Variants in MYLK observed in about 807,000 individuals in gnomAD.
MYLK encodes myosin light chain kinase, smooth muscle.
Under a neutral mutation model 203.4 loss-of-function variants are expected in MYLK, and 106 were observed. That is an observed-to-expected ratio of 0.52 (90% CI 0.45 to 0.61). The LOEUF is 0.61. MYLK is among the 20% of genes least tolerant of loss of function. MYLK has a pLI of 0.00. For missense variants in MYLK, 2,072 were observed against 2,442.3 expected (o/e 0.85, Z 3.20); for synonymous variants, 867 against 959.5 (o/e 0.90, Z 1.78).
At chr3:123,618,569 G>T (rs970516009) in intron 33 of MYLK, 70 bp downstream of exon 33, 5 of 1,592,998 alleles carry the variant, frequency 3.1e-6, no homozygotes, top group Non-Finnish European at 4.3e-6. Context: ...CTTGCCCACG[G>T]TGCATGGTAG....
At chr3:123,695,261 G>A (rs1178719357) in intron 18 of MYLK, among the ~76,000 whole-genome samples, 1 of 152,224 alleles carries the variant, frequency 6.6e-6, no homozygotes, top group East Asian at 1.9e-4. Flanking sequence ...AATCCCCCAG[G>A]CCTAGGCGGA....
chr3:123,813,934 T>C (rs1289027970), intron 3 of MYLK: 1 of 153,754 alleles, frequency 6.5e-6, no homozygotes, highest in African/African-American at 2.4e-5. Flanking sequence ...ATGAGAGCTC[T>C]TGAGAATGGA....
At chr3:123,619,761 A>G (rs1258608752) in intron 32 of MYLK, among the ~76,000 whole-genome samples, 2 of 152,228 alleles carry the variant, frequency 1.3e-5, no homozygotes, top group Non-Finnish European at 2.9e-5. Flanking sequence ...TGTGGACCAT[A>G]TGAGTTAATT....
intron 3 of MYLK, among the ~76,000 whole-genome samples, chr3:123,796,243 A>G (rs2064981907): frequency 6.6e-6 from 1 of 152,232 alleles, no homozygotes; most frequent in Non-Finnish European, 1.5e-5. Flanking sequence ...GAGACAGATA[A>G]TCTTGGTATC....
chr3:123,774,074 G>A (rs2063976388), intron 4 of MYLK, among the ~76,000 whole-genome samples: 1 of 152,200 alleles, frequency 6.6e-6, no homozygotes, highest in African/African-American at 2.4e-5. Context: ...GGAAAAGCAA[G>A]GAGAGGCTGG....
At chr3:123,789,056 C>T (rs2064663121) in intron 4 of MYLK, among the ~76,000 whole-genome samples, 2 of 152,212 alleles carry the variant, frequency 1.3e-5, no homozygotes, top group Admixed American at 6.5e-5. Context: ...GGGAAAACAG[C>T]CCATCAACAC....
chr3:123,728,425 T>C (rs952148350), intron 11 of MYLK, among the ~76,000 whole-genome samples: 3 of 152,134 alleles, frequency 2.0e-5, no homozygotes, highest in African/African-American at 4.8e-5. Flanking sequence ...GAGGATTGCT[T>C]GAGCCCAAGA....
In MYLK at chr3:123,824,128, C is replaced by T. The variant is rs1577072197; in HGVS notation, c.-4+7420G>A. Among the ~76,000 whole-genome samples, 4 of 149,392 alleles carry T rather than the reference C, an allele frequency of 2.7e-5. No individual in the cohort carries two copies. The South Asian group carries it at 8.5e-4, about 32-fold the overall frequency. ...TTTTGAGACGGAGTTTCACTCTTGT[C>T]CCCCAGGCTGGAGTGCAATGGCGCG... On this transcript the variant is annotated intron_variant, in intron 3 of 33. Coordinates refer to ENST00000360304, the MANE Select transcript of MYLK (RefSeq NM_053025.4).
At position 123,768,886 on chromosome 3, in the gene MYLK, G is replaced by A. The variant is rs113831508; in HGVS notation, c.166-16348C>T. 7.3e-3 allele frequency among the ~76,000 whole-genome samples: 1,108 copies of A among 152,248 alleles called. 15 individuals carry two copies. Among genetic ancestry groups the A allele is most frequent in the African/African-American group, 0.024 (1,012 of 41,542 alleles). On this transcript the variant is annotated intron_variant, in intron 4 of 33. Transcript: ENST00000360304. ...GCGAGGAGCAATTCCAAAAGGCCAC[G>A]CAAGTGCACTCTCCCCCTCTCTGCC...
intron 3 of MYLK, among the ~76,000 whole-genome samples, chr3:123,810,163 G>A (rs959250932): frequency 7.2e-5 from 11 of 152,112 alleles, no homozygotes; most frequent in African/African-American, 2.7e-4. Context: ...CTATAAATAA[G>A]GTGAGAGGTT....
Position 123,638,695 on chromosome 3 carries a change from A to C in MYLK, c.4838-501T>G, listed in dbSNP as rs2058731739. 5.3e-6 allele frequency: 5 copies of C among 949,466 alleles called. No homozygotes were observed. In the South Asian group the frequency reaches 1.5e-4, roughly 28 times the overall value. The allele number at this position is 949,466 out of a possible 1,614,324, so 58.8% of individuals were successfully genotyped here. ...GTTAACAAGTGGTGGTCGGGACTCA[A>C]GCCCAGGTAGTCCAACTCCTGAGCC... On this transcript the variant is annotated intron_variant, in intron 28 of 33. Transcript: ENST00000360304.
intron 3 of MYLK, among the ~76,000 whole-genome samples, chr3:123,821,666 A>C (rs2109301698): frequency 6.6e-6 from 1 of 152,246 alleles, no homozygotes; most frequent in Non-Finnish European, 1.5e-5. Flanking sequence ...ATTTTGTCAA[A>C]GTGTTCACAA....
intron 28 of MYLK, among the ~76,000 whole-genome samples, chr3:123,638,439 C>T (rs967361090): frequency 2.0e-5 from 3 of 152,154 alleles, no homozygotes; most frequent in African/African-American, 7.2e-5. Context: ...GAGAAGAGGC[C>T]GCTAAATCAC....
intron 16 of MYLK, among the ~76,000 whole-genome samples, chr3:123,704,212 G>C (rs2061361901): frequency 6.6e-6 from 1 of 152,240 alleles, no homozygotes; most frequent in Non-Finnish European, 1.5e-5. Flanking sequence ...GGCAATAGCA[G>C]TAACTATTCC....
chr3:123,866,754 G>T (rs1274434750), intron 2 of MYLK, among the ~76,000 whole-genome samples: 1 of 152,008 alleles, frequency 6.6e-6, no homozygotes, highest in South Asian at 2.1e-4. Context: ...CAGACCTCAG[G>T]ACAACCCTTA....
intron 2 of MYLK, among the ~76,000 whole-genome samples, chr3:123,834,233 A>G (rs1213863627): frequency 6.6e-6 from 1 of 152,066 alleles, no homozygotes; most frequent in Non-Finnish European, 1.5e-5. Flanking sequence ...TTTAGTAGAG[A>G]TGGGGTTTCA....
intron 1 of MYLK, among the ~76,000 whole-genome samples, chr3:123,882,796 C>T (rs1034739671): frequency 1.3e-5 from 2 of 152,214 alleles, no homozygotes; most frequent in Non-Finnish European, 2.9e-5. Flanking sequence ...TAACCTCACT[C>T]TGGGCAGGAA....
At chr3:123,734,362 G>T in intron 9 of MYLK, 140 bp from the exon 10 acceptor site, 1 of 836,302 alleles carries the variant, frequency 1.2e-6, no homozygotes, top group Non-Finnish European at 1.7e-6. Flanking sequence ...GCAAGTAAGA[G>T]CATCTTTCTC....
intron 24 of MYLK, among the ~76,000 whole-genome samples, chr3:123,654,740 G>A (rs1311943378): frequency 3.9e-5 from 5 of 128,362 alleles, no homozygotes; most frequent in Admixed American, 1.7e-4. Context: ...TTTTTGAGAC[G>A]GAGTCTCACT....
Sources: allele counts gnomAD v4.1 joint callset (sites outside exome capture counted in the v4.1 genomes callset), GRCh38; gene constraint gnomAD v4.1.1; transcripts MANE v1.5; gene names NCBI Gene and HGNC (gene_info 2026-07-23, HGNC 2026-07-21).